The following FOCAD variants were observed in gnomAD, a reference collection of about 807,000 sequenced individuals.
FOCAD encodes the protein KIAA1797.
FOCAD carries 198 observed loss-of-function variants against 225.6 expected under a neutral mutation model. The observed-to-expected ratio is 0.88, with a 90% CI of 0.78 to 0.99. FOCAD has a LOEUF of 0.99. Ranked by LOEUF, FOCAD falls within the 50% of genes least tolerant of loss-of-function variation. The probability of loss-of-function intolerance (pLI) is 0.00; values close to 1 mark genes in which losing one functional copy is unlikely to be tolerated. For synonymous variants in FOCAD, 897 were observed against 755.0 expected (o/e 1.19, Z -3.08); for missense variants, 2,713 against 2,123.6 (o/e 1.28, Z -5.46).
chr9:20,936,550 C>A (rs147030309), intron 28 of FOCAD, among the ~76,000 whole-genome samples: 1 of 152,022 alleles, frequency 6.6e-6, no homozygotes, highest in Non-Finnish European at 1.5e-5. Flanking sequence ...GGTTTGAGGC[C>A]GGGCGCGGTG....
chr9:20,960,382 T>C (rs1838591134), intron 35 of FOCAD, among the ~76,000 whole-genome samples: 1 of 152,208 alleles, frequency 6.6e-6, no homozygotes, highest in African/African-American at 2.4e-5. Flanking sequence ...GGATAAGATG[T>C]TGTCTTCTAG....
At chr9:20,970,394 G>A (rs1164570194) in intron 35 of FOCAD, among the ~76,000 whole-genome samples, 2 of 151,882 alleles carry the variant, frequency 1.3e-5, no homozygotes, top group African/African-American at 4.8e-5. Flanking sequence ...TTTCTCTGTA[G>A]ACTGAGTGAT....
intron 29 of FOCAD, 131 bp downstream of exon 29, chr9:20,944,905 A>G: frequency 1.0e-6 from 1 of 994,718 alleles, no homozygotes; most frequent in Non-Finnish European, 1.4e-6. Context: ...TCTGAATGAC[A>G]AACAACCAAT....
Position 20,919,663 on chromosome 9 carries a change from C to G in FOCAD, c.2852+2726C>G, listed in dbSNP as rs537214926. Among the ~76,000 whole-genome samples, 63 of 152,310 alleles carry G rather than the reference C, an allele frequency of 4.1e-4. 1 individual carries two copies. In the South Asian group the frequency reaches 6.2e-3, roughly 15 times the overall value. ...AGCTCTCAGAAATAACACCGCATAT[C>G]TACAACTATCTGATCTTTGACAAAC... On this transcript the variant is annotated intron_variant, in intron 24 of 43. Coordinates refer to ENST00000338382, the MANE Select transcript of FOCAD (RefSeq NM_001375567.1).
At chr9:20,713,558 T>C (rs1027847694) in intron 1 of FOCAD, among the ~76,000 whole-genome samples, 10 of 152,226 alleles carry the variant, frequency 6.6e-5, no homozygotes, top group African/African-American at 2.4e-4. Flanking sequence ...ACATATTTTA[T>C]GTATTATTTG....
intron 37 of FOCAD, among the ~76,000 whole-genome samples, 199 bp downstream of exon 37, chr9:20,978,653 C>A (rs1395695767): frequency 6.6e-6 from 1 of 152,226 alleles, no homozygotes; most frequent in Non-Finnish European, 1.5e-5. Flanking sequence ...ACCGTTCATG[C>A]TTTAGCTACC....
At chr9:20,791,604 G>A (rs1159611951) in intron 11 of FOCAD, among the ~76,000 whole-genome samples, 2 of 152,166 alleles carry the variant, frequency 1.3e-5, no homozygotes, top group East Asian at 3.9e-4. Flanking sequence ...TTAGCTGGAA[G>A]CCCAAAGCCT....
chr9:20,722,403 T>G (rs1473999496), intron 4 of FOCAD, among the ~76,000 whole-genome samples: 1 of 152,236 alleles, frequency 6.6e-6, no homozygotes, highest in Non-Finnish European at 1.5e-5. Context: ...CTGTCTGACA[T>G]CATCTTTGTT....
At chr9:20,919,454 G>GA (rs1178862135) in intron 24 of FOCAD, among the ~76,000 whole-genome samples, 1 of 152,038 alleles carries the variant, frequency 6.6e-6, no homozygotes, top group Non-Finnish European at 1.5e-5. Context: ...CACAGGATTG[G>GA]AAAAAACTAC....
Position 20,879,431 on chromosome 9 carries a change from T to A in FOCAD, c.2318-2440T>A, listed in dbSNP as rs1830490518. On this transcript the variant is annotated intron_variant, in intron 19 of 43. Coordinates refer to ENST00000338382, the MANE Select transcript of FOCAD (RefSeq NM_001375567.1). ...TTTCAGCATTTGGGATTATGGTGTG[T>A]GGGACTGTGTCTTTTGGGATTATTA... Among the ~76,000 whole-genome samples, 3 of 152,222 alleles carry A rather than the reference T, an allele frequency of 2.0e-5. No homozygotes were observed. The South Asian group carries it at 6.2e-4, about 32-fold the overall frequency.
At position 20,715,692 on chromosome 9, in the gene FOCAD, G is replaced by GT. The variant is rs200704791; in HGVS notation, c.57+282_57+283insT. ...AGTAGGCCCCTGAATATGTTTGTTTGGTTTTTTTTGGCCTATGATTATTGG... is the reference window on the plus strand; with the variant it reads ...AGTAGGCCCCTGAATATGTTTGTTTGTGTTTTTTTTGGCCTATGATTATTGG... On this transcript the variant is annotated intron_variant, in intron 2 of 43. Transcript: ENST00000338382. Among the ~76,000 whole-genome samples the GT allele has an allele frequency of 6.6e-3, 1,004 of 151,402 alleles. 11 individuals carry two copies. The highest frequency in any genetic ancestry group is 0.015 in the Admixed American group (223 of 15,208).
chr9:20,807,045 A>G (rs975706978), intron 11 of FOCAD, among the ~76,000 whole-genome samples: 1 of 152,244 alleles, frequency 6.6e-6, no homozygotes, highest in Non-Finnish European at 1.5e-5. Context: ...AAATGAAAAT[A>G]ACAAAACAAC....
chr9:20,958,692 C>G (rs74728946), intron 35 of FOCAD, among the ~76,000 whole-genome samples: 1 of 152,134 alleles, frequency 6.6e-6, no homozygotes. Context: ...TTTCTTCCCC[C>G]TGCTCTTTCC....
intron 25 of FOCAD, among the ~76,000 whole-genome samples, chr9:20,925,906 C>G (rs1042350915): frequency 2.0e-5 from 3 of 152,118 alleles, no homozygotes; most frequent in Non-Finnish European, 2.9e-5. Flanking sequence ...CTTATTGCCT[C>G]CTTTGTCAAA....
At position 20,911,522 on chromosome 9, in the gene FOCAD, TA is replaced by T. The variant is rs573750456; in HGVS notation, c.2719-1341del. Among the ~76,000 whole-genome samples, 215 of 152,308 alleles carry T rather than the reference TA, an allele frequency of 1.4e-3. 1 individual carries two copies. Among genetic ancestry groups the T allele is most frequent in the Middle Eastern group, 6.8e-3 (2 of 294 alleles). ...TGAATTATTTCAGGAGATATTTAGATAAATTCATGAAAGACGGTTTTGTAAG... is the reference window on the plus strand; with the variant it reads ...TGAATTATTTCAGGAGATATTTAGATAATTCATGAAAGACGGTTTTGTAAG... On this transcript the variant is annotated intron_variant, in intron 22 of 43. Transcript: ENST00000338382.
chr9:20,894,681 T>A (rs1455287543), intron 21 of FOCAD, among the ~76,000 whole-genome samples: 11 of 152,098 alleles, frequency 7.2e-5, no homozygotes, highest in Non-Finnish European at 1.5e-4. Flanking sequence ...GGTTGTTAGG[T>A]TTTTCATAGT....
At chr9:20,874,325 A>G (rs995226915) in intron 18 of FOCAD, 3 of 177,960 alleles carry the variant, frequency 1.7e-5, no homozygotes, top group Non-Finnish European at 3.5e-5. Flanking sequence ...TATGAGCTAT[A>G]GAAGTTAAAT....
chr9:20,948,904 A>G lies in FOCAD; in HGVS notation c.3852A>G (p.Val1284=), dbSNP rs1402285110. ...LAALHGMVAL[V]GSEGDVMQLK... ...CTCTTCATGGCATGGTGGCCTTGGT[A>G]GGCTCTGAAGGGGATGTAATGCAGG... Residue 1284 remains valine, a synonymous_variant, in exon 32 of 44, where the codon GTA becomes GTG. Transcript: ENST00000338382. 6.2e-7 allele frequency: 1 copy of G among 1,613,526 alleles called. No homozygotes were observed. The highest frequency in any genetic ancestry group is 8.5e-7 in the Non-Finnish European group (1 of 1,179,520).
intron 8 of FOCAD, among the ~76,000 whole-genome samples, chr9:20,776,362 C>T (rs1818753249): frequency 1.3e-5 from 2 of 152,172 alleles, no homozygotes; most frequent in South Asian, 4.1e-4. Flanking sequence ...GTTACCACAG[C>T]AGTAGCTGTA....
Sources: gnomAD v4.1 joint callset for allele counts (sites outside exome capture counted in the v4.1 genomes callset) on GRCh38, gnomAD v4.1.1 for gene constraint, MANE v1.5 for transcripts, NCBI Gene and HGNC (gene_info 2026-07-23, HGNC 2026-07-21) for gene names.